The following ADAT2 variants were observed in gnomAD, a reference collection of about 807,000 sequenced individuals.
ADAT2 encodes the protein adenosine deaminase tRNA specific 2, also known as tRNA-specific adenosine-34 deaminase catalytic subunit ADAT2.
ADAT2 carries 26 observed loss-of-function variants against 25.9 expected under a neutral mutation model. That is an observed-to-expected ratio of 1.00 (90% CI 0.74 to 1.39). The LOEUF (loss-of-function observed/expected upper bound fraction) is 1.39. ADAT2 is among the 40% of genes most tolerant of loss of function. ADAT2 has a pLI of 0.00. For missense variants in ADAT2, 220 were observed against 244.8 expected, an observed-to-expected ratio of 0.90 and a Z score of 0.68; for synonymous variants, 76 against 86.8, an observed-to-expected ratio of 0.88 and a Z score of 0.69.
In ADAT2 at chr6:143,428,715, T is replaced by C. The variant is rs770603668; in HGVS notation, c.460-31A>G. The C allele has an allele frequency of 2.7e-5, 43 of 1,603,312 alleles. No individual in the cohort carries two copies. Among genetic ancestry groups the C allele is most frequent in the Middle Eastern group, 1.7e-4 (1 of 6,030 alleles). ...GGAATGAGAAAGTTGAGAATAAACA[T>C]AGGCCTATGAAAATGTGTGCTGTAT... On this transcript the variant is annotated intron_variant, in intron 4 of 5. Coordinates refer to ENST00000237283, the MANE Select transcript of ADAT2 (RefSeq NM_182503.3). This position sits in a 1 kb window ranked among gnomAD's most constrained non-coding sequence, Gnocchi z 5.0.
intron 1 of ADAT2, chr6:143,450,045 A>T: frequency 6.5e-6 from 1 of 152,916 alleles, no homozygotes. Context: ...AGCACACAGC[A>T]TTCTGTTGAA....
chr6:143,450,475 G>C, intron 1 of ADAT2, 88 bp downstream of exon 1: 1 of 1,405,692 alleles, frequency 7.1e-7, no homozygotes, highest in Non-Finnish European at 1.0e-6. Flanking sequence ...TTATGGTGAC[G>C]AGAAAGAACG....
chr6:143,439,211 G>A (rs1316802922), intron 1 of ADAT2, among the ~76,000 whole-genome samples: 1 of 152,014 alleles, frequency 6.6e-6, no homozygotes, highest in Non-Finnish European at 1.5e-5. Context: ...GACAATAAGA[G>A]TTTAGAAGTA....
chr6:143,440,339 G>A lies in ADAT2; in HGVS notation c.97-1645C>T, dbSNP rs1437212925. On this transcript the variant is annotated intron_variant, in intron 1 of 5. Transcript: ENST00000237283. This position sits in a 1 kb window ranked among gnomAD's most constrained non-coding sequence, Gnocchi z 4.5. ...CTCCTGCACCAGTCTCTTACTCCCA[G>A]TTCTACTTTATTTAACTAGTGACAA... Among the ~76,000 whole-genome samples the A allele has an allele frequency of 3.3e-5, 5 of 152,176 alleles. No individual in the cohort carries two copies. Among genetic ancestry groups the A allele is most frequent in the Admixed American group, 1.3e-4 (2 of 15,260 alleles).
rs967294150 is a variant in ADAT2 at position 143,439,747 on chromosome 6, C to G, written c.97-1053G>C. Among the ~76,000 whole-genome samples the G allele has an allele frequency of 2.0e-5, 3 of 152,046 alleles. No homozygotes were observed. The East Asian group carries it at 5.8e-4, about 29-fold the overall frequency. The stretch of plus-strand genomic sequence containing the variant: ...CTGAGGTGGTGAAAACTTTCTGGAT[C>G]TTGATAAAGACATGGATTACAGAGA... On this transcript the variant is annotated intron_variant, in intron 1 of 5. Transcript: ENST00000237283.
chr6:143,432,485 G>C lies in ADAT2; in HGVS notation c.459+20C>G, dbSNP rs149909044. On this transcript the variant is annotated intron_variant, in intron 4 of 5. Coordinates refer to ENST00000237283, the MANE Select transcript of ADAT2 (RefSeq NM_182503.3). The surrounding 1 kb of genome is among the most constrained non-coding windows in gnomAD (Gnocchi z 4.4). ...GAAAATAATTAGCAAGAAAGAAAAA[G>C]CATAAGCAGTTTGTATTACCTGAAA... 107 of 1,597,182 alleles carry C rather than the reference G, an allele frequency of 6.7e-5. No homozygotes were observed. The African/African-American group carries it at 1.1e-3, about 17-fold the overall frequency.
At chr6:143,443,405 G>A (rs1177722526) in intron 1 of ADAT2, among the ~76,000 whole-genome samples, 1 of 152,064 alleles carries the variant, frequency 6.6e-6, no homozygotes, top group East Asian at 1.9e-4. Context: ...AGAGAGAACA[G>A]TTGGCAAGAG....
rs1321926756 is a variant in ADAT2, at chr6:143,437,645, GAT to G, written c.201+943_201+944del. Among the ~76,000 whole-genome samples the G allele has an allele frequency of 2.0e-5, 3 of 152,074 alleles. No individual in the cohort carries two copies. Among genetic ancestry groups the G allele is most frequent in the African/African-American group, 7.2e-5 (3 of 41,402 alleles). On this transcript the variant is annotated intron_variant, in intron 2 of 5. Transcript: ENST00000237283. The surrounding 1 kb of genome is among the most constrained non-coding windows in gnomAD (Gnocchi z 4.1). The stretch of plus-strand genomic sequence containing the variant: ...GCTAAAAATAAATAAGTAAATAAAT[GAT>G]TTGTGAATCTGGATTCCTATTTTAC...
At chr6:143,441,716 A>T (rs1291959460) in intron 1 of ADAT2, 1 of 152,204 alleles carries the variant, frequency 6.6e-6, no homozygotes, top group Non-Finnish European at 1.5e-5. Context: ...GGAGGCGACA[A>T]ATATCCAAAC....
At chr6:143,449,191 G>A (rs1008046089) in intron 1 of ADAT2, among the ~76,000 whole-genome samples, 2 of 152,098 alleles carry the variant, frequency 1.3e-5, no homozygotes, top group Admixed American at 1.3e-4. Flanking sequence ...GGGACTACAG[G>A]CACATGCCAC....
rs199915844 is a variant in ADAT2 at position 143,450,567 on chromosome 6, T to G, written c.92A>C (p.His31Pro). The G allele has an allele frequency of 7.4e-6, 12 of 1,614,010 alleles. No individual in the cohort carries two copies. The highest frequency in any genetic ancestry group is 1.0e-5 in the Non-Finnish European group (12 of 1,180,034). The change falls in exon 1 of 6, where the codon CAC (histidine) becomes CCC (proline). Residue 31 changes from histidine to proline, a missense_variant. Physicochemically the swap from His to Pro is moderately conservative, Grantham distance 77 (BLOSUM62 -2). Transcript: ENST00000237283. ...TCTACCTCCCGGGCTCCTCACCATGTGCATCGCCTCCTCCATCCACTTTTC... is the reference window on the plus strand; with the variant it reads ...TCTACCTCCCGGGCTCCTCACCATGGGCATCGCCTCCTCCATCCACTTTTC... ...ETEKWMEEAM[H>P]MAKEALENTE...
At chr6:143,441,792 G>A (rs972341799) in intron 1 of ADAT2, 1 of 152,092 alleles carries the variant, frequency 6.6e-6, no homozygotes, top group African/African-American at 2.4e-5. Context: ...ATAAGTACAC[G>A]AAAAGATGTT....
In ADAT2 at chr6:143,432,631, C is replaced by T; in HGVS notation, c.353-20G>A. On this transcript the variant is annotated intron_variant, in intron 3 of 5. Transcript: ENST00000237283. The surrounding 1 kb of genome is among the most constrained non-coding windows in gnomAD (Gnocchi z 4.4). ...GGATTTATAAGACAGAATTAAGGTC[C>T]TGCATAGAATGTACATTTCAAGTAT... The T allele has an allele frequency of 6.2e-7, 1 of 1,608,026 alleles. No individual in the cohort carries two copies. The highest frequency in any genetic ancestry group is 8.5e-7 in the Non-Finnish European group (1 of 1,174,590).
In ADAT2 at chr6:143,446,827, ATACTC is replaced by A; in HGVS notation, c.96+3731_96+3735del. ...CCATCTGAAAATGAGGACCATAATAATACTCACCTGATAGGGCTTCTGTGGGGCTT... is the reference window on the plus strand; with the variant it reads ...CCATCTGAAAATGAGGACCATAATAAACCTGATAGGGCTTCTGTGGGGCTT... On this transcript the variant is annotated intron_variant, in intron 1 of 5. Transcript: ENST00000237283. This position sits in a 1 kb window ranked among gnomAD's most constrained non-coding sequence, Gnocchi z 5.0. Among the ~76,000 whole-genome samples the A allele has an allele frequency of 2.0e-5, 3 of 152,168 alleles. No individual in the cohort carries two copies. Among genetic ancestry groups the A allele is most frequent in the African/African-American group, 7.2e-5 (3 of 41,428 alleles).
rs1235943248 is a variant in ADAT2, at chr6:143,428,270, A to G, written c.*193T>C. ...TGGGAATCAGCTTCTGGAAAAGCTA[A>G]TAACTGTTTACAATTGTCAGACTTC... On this transcript the variant is annotated 3_prime_UTR_variant, in exon 6 of 6. Coordinates refer to ENST00000237283, the MANE Select transcript of ADAT2 (RefSeq NM_182503.3). The surrounding 1 kb of genome is among the most constrained non-coding windows in gnomAD (Gnocchi z 5.0). 1.6e-6 allele frequency: 1 copy of G among 627,788 alleles called. No homozygotes were observed. Among genetic ancestry groups the G allele is most frequent in the Non-Finnish European group, 2.7e-6 (1 of 365,304 alleles). 38.9% of individuals were successfully genotyped at this position (627,788 alleles called of 1,614,324 possible).
chr6:143,444,752 A>T lies in ADAT2; in HGVS notation c.96+5811T>A. On this transcript the variant is annotated intron_variant, in intron 1 of 5. Transcript: ENST00000237283. The surrounding 1 kb of genome is among the most constrained non-coding windows in gnomAD (Gnocchi z 4.3). ...CTTCCCAGCCCAAACACTGGTCTCT[A>T]TTTTGTCCTTGAATATAATTTCTTT... 1 of 228,206 alleles carries T rather than the reference A, an allele frequency of 4.4e-6. No homozygotes were observed. Among genetic ancestry groups the T allele is most frequent in the Non-Finnish European group, 8.9e-6 (1 of 112,844 alleles). 14.1% of individuals were successfully genotyped at this position (228,206 alleles called of 1,614,324 possible). A position where few individuals can be genotyped will look rare whatever the true frequency, so the allele number is the denominator to read the frequency against.
rs991924869 is a variant in ADAT2 at position 143,446,158 on chromosome 6, G to GT, written c.96+4404dup. ...TTCTGAAGCAACGGGGGTTTTTTCT[G>GT]TTTTTTCCTATGCCCTGCATACACA... On this transcript the variant is annotated intron_variant, in intron 1 of 5. Transcript: ENST00000237283. The surrounding 1 kb of genome is among the most constrained non-coding windows in gnomAD (Gnocchi z 5.0). Among the ~76,000 whole-genome samples the GT allele has an allele frequency of 2.7e-5, 4 of 149,948 alleles. No individual in the cohort carries two copies. Among genetic ancestry groups the GT allele is most frequent in the Non-Finnish European group, 4.4e-5 (3 of 67,690 alleles).
chr6:143,441,609 C>T (rs72988635), intron 1 of ADAT2: 42,843 of 151,940 alleles, frequency 0.28, 6,287 homozygotes, highest in Admixed American at 0.32. Flanking sequence ...GAGAACTTGC[C>T]ACTATAAAAA....
chr6:143,443,320 T>G (rs1779514359), intron 1 of ADAT2, among the ~76,000 whole-genome samples: 1 of 152,082 alleles, frequency 6.6e-6, no homozygotes, highest in South Asian at 2.1e-4. Context: ...AACTTCTACT[T>G]TAGTAACAAC....
Sources: gnomAD v4.1 joint callset for allele counts (sites outside exome capture counted in the v4.1 genomes callset) on GRCh38, gnomAD v4.1.1 for gene constraint, Gnocchi (gnomAD v3.1) non-coding constraint, MANE v1.5 for transcripts, NCBI Gene and HGNC (gene_info 2026-07-23, HGNC 2026-07-21) for gene names.